Variants in CNTN1 observed in about 807,000 individuals in gnomAD.
CNTN1 encodes contactin-1.
A neutral mutation model predicts 126.4 loss-of-function variants in CNTN1; 38 were observed. The observed-to-expected ratio is 0.30, with a 90% CI of 0.23 to 0.39. CNTN1 has a LOEUF of 0.39. Among genes scored for constraint, CNTN1 ranks in the 10% least tolerant of loss-of-function variants. CNTN1 has a pLI of 1.00. For missense variants in CNTN1, 1,009 were observed against 1,248.4 expected (o/e 0.81, Z 2.89); for synonymous variants, 413 against 422.6 (o/e 0.98, Z 0.28).
intron 1 of CNTN1, among the ~76,000 whole-genome samples, chr12:40,793,759 TCTC>T (rs1940307559): frequency 2.0e-5 from 3 of 152,040 alleles, no homozygotes; most frequent in East Asian, 3.9e-4. Flanking sequence ...TTTCTGACCT[TCTC>T]CTTCCCCACC....
intron 15 of CNTN1, among the ~76,000 whole-genome samples, chr12:40,979,705 C>T (rs1276635951): frequency 6.6e-6 from 1 of 152,002 alleles, no homozygotes; most frequent in African/African-American, 2.4e-5. Context: ...CACTTCACCA[C>T]TTAAAGGACA....
chr12:40,751,833 C>G (rs1291237576), intron 1 of CNTN1, among the ~76,000 whole-genome samples: 1 of 151,992 alleles, frequency 6.6e-6, no homozygotes, highest in African/African-American at 2.4e-5. Context: ...TTACATTGGT[C>G]AGATGAAATT....
chr12:40,875,300 A>G (rs1024844211), intron 1 of CNTN1, among the ~76,000 whole-genome samples: 1 of 152,122 alleles, frequency 6.6e-6, no homozygotes, highest in Non-Finnish European at 1.5e-5. Context: ...AAACCATAGT[A>G]AAACATCACA....
chr12:40,870,510 T>G (rs1299217451), intron 1 of CNTN1, among the ~76,000 whole-genome samples: 1 of 152,166 alleles, frequency 6.6e-6, no homozygotes, highest in Non-Finnish European at 1.5e-5. Flanking sequence ...CATAAGGCAC[T>G]CAATCAGACA....
At chr12:40,717,202 A>T (rs1394696614) in intron 1 of CNTN1, among the ~76,000 whole-genome samples, 1 of 152,180 alleles carries the variant, frequency 6.6e-6, no homozygotes, top group Non-Finnish European at 1.5e-5. Context: ...GTTGACTAAA[A>T]TTACTACTCT....
chr12:40,882,928 A>G (rs1189090567), intron 1 of CNTN1, among the ~76,000 whole-genome samples: 3 of 151,498 alleles, frequency 2.0e-5, no homozygotes, highest in South Asian at 4.1e-4. Flanking sequence ...TGAACTGTAC[A>G]TTTGACTCAT....
intron 14 of CNTN1, 29 bp from the exon 15 acceptor site, chr12:40,959,085 A>C: frequency 6.2e-7 from 1 of 1,611,448 alleles, no homozygotes; most frequent in South Asian, 1.1e-5. Context: ...AAATGTACTG[A>C]TTTGAATAAT....
chr12:40,723,264 G>A (rs1353711914), intron 1 of CNTN1, among the ~76,000 whole-genome samples: 1 of 152,142 alleles, frequency 6.6e-6, no homozygotes, highest in Non-Finnish European at 1.5e-5. Flanking sequence ...TATTTTCATT[G>A]CATATTAGAT....
intron 1 of CNTN1, among the ~76,000 whole-genome samples, chr12:40,700,128 AC>A (rs543754292): frequency 6.9e-4 from 105 of 152,098 alleles, no homozygotes; most frequent in African/African-American, 2.4e-3. Flanking sequence ...ACACACACAC[AC>A]CATATTACCC....
chr12:40,918,645 A>T lies in CNTN1; in HGVS notation c.101A>T (p.Glu34Val). ...WYRRYGHGVS[E>V]EDKGFGPIFE... ...AATTTCATATTTCTTGTAGTTTCTG[A>T]GGAAGACAAAGGATTTGGACCAATT... is the stretch of plus-strand genomic sequence containing the variant. Residue 34 changes from glutamate (E) to valine (V), a missense_variant, in exon 4 of 24, where the codon GAG (glutamate) becomes GTG (valine). Transcript: ENST00000551295. 1 of 1,612,748 alleles carries T rather than the reference A, an allele frequency of 6.2e-7. No homozygotes were observed. The highest frequency in any genetic ancestry group is 8.5e-7 in the Non-Finnish European group (1 of 1,178,888).
chr12:40,714,871 G>A (rs1942009633), intron 1 of CNTN1, among the ~76,000 whole-genome samples: 2 of 152,006 alleles, frequency 1.3e-5, no homozygotes, highest in Admixed American at 6.6e-5. Flanking sequence ...CTCAAAAATA[G>A]ACTGAAAGTC....
chr12:40,843,305 AC>A (rs1942362513), intron 1 of CNTN1, among the ~76,000 whole-genome samples: 1 of 152,202 alleles, frequency 6.6e-6, no homozygotes, highest in African/African-American at 2.4e-5. Context: ...TAATGGGAAA[AC>A]ATTAGGTTGA....
At chr12:40,712,355 G>T (rs1394102481) in intron 1 of CNTN1, among the ~76,000 whole-genome samples, 3 of 152,122 alleles carry the variant, frequency 2.0e-5, no homozygotes, top group Admixed American at 6.6e-5. Flanking sequence ...GATTTTCTGT[G>T]ACCAATGTAA....
intron 1 of CNTN1, among the ~76,000 whole-genome samples, chr12:40,818,396 G>T (rs917312653): frequency 6.6e-6 from 1 of 151,514 alleles, no homozygotes; most frequent in African/African-American, 2.4e-5. Flanking sequence ...ATTCTTGTCC[G>T]CATGTTTTAT....
chr12:40,827,625 C>G (rs1038053802), intron 1 of CNTN1, among the ~76,000 whole-genome samples: 19 of 152,164 alleles, frequency 1.2e-4, no homozygotes, highest in Non-Finnish European at 2.6e-4. Context: ...GATGCTGTAG[C>G]ATTTCTGCCA....
At chr12:40,860,081 A>G (rs1592169509) in intron 1 of CNTN1, among the ~76,000 whole-genome samples, 1 of 152,224 alleles carries the variant, frequency 6.6e-6, no homozygotes, top group African/African-American at 2.4e-5. Context: ...ATTTTTTCTA[A>G]TTCTTTACAT....
chr12:40,770,382 A>G (rs1219805649), intron 1 of CNTN1, among the ~76,000 whole-genome samples: 1 of 152,170 alleles, frequency 6.6e-6, no homozygotes, highest in Admixed American at 6.5e-5. Context: ...CTTAGATGCA[A>G]TATTATCTGG....
rs777634250 is a variant in CNTN1, at chr12:40,981,938, T to TA, written c.1963+885dup. On this transcript the variant is annotated intron_variant, in intron 16 of 23. Transcript: ENST00000551295. ...AAAATGTTCCTCCTTTTTAAAAAACTAAAAAAAAAAAAAATACTCTAATCT... is the reference window on the plus strand; with the variant it reads ...AAAATGTTCCTCCTTTTTAAAAAACTAAAAAAAAAAAAAAATACTCTAATCT... Among the ~76,000 whole-genome samples the TA allele has an allele frequency of 2.7e-3, 387 of 141,334 alleles. 1 individual carries two copies. Among genetic ancestry groups the TA allele is most frequent in the African/African-American group, 6.9e-3 (269 of 39,040 alleles). 92.7% of individuals were successfully genotyped at this position (141,334 alleles called of 152,430 possible).
At chr12:40,994,774 T>C (rs1195303776) in intron 17 of CNTN1, among the ~76,000 whole-genome samples, 3 of 151,894 alleles carry the variant, frequency 2.0e-5, no homozygotes, top group African/African-American at 7.2e-5. Flanking sequence ...CACAAAAAAT[T>C]TAGTGTTTAG....
Sources: gnomAD v4.1 joint callset for allele counts (sites outside exome capture counted in the v4.1 genomes callset) on GRCh38, gnomAD v4.1.1 for gene constraint, MANE v1.5 for transcripts, NCBI Gene and HGNC (gene_info 2026-07-23, HGNC 2026-07-21) for gene names.